The following USP6NL variants were observed in gnomAD, a reference collection of about 807,000 sequenced individuals.
The protein encoded by USP6NL is USP6 N-terminal like.
A neutral mutation model predicts 61.9 loss-of-function variants in USP6NL; 26 were observed. The observed-to-expected ratio is 0.42, with a 90% CI of 0.31 to 0.58. The LOEUF (loss-of-function observed/expected upper bound fraction) is 0.58. Among genes scored for constraint, USP6NL ranks in the 20% least tolerant of loss-of-function variants. The pLI is 0.16. For missense variants in USP6NL, 1,114 were observed against 1,034.3 expected (o/e 1.08, Z -1.06); for synonymous variants, 432 against 390.1 (o/e 1.11, Z -1.27).
Position 11,462,610 on chromosome 10 carries a change from T to C in USP6NL, c.2318A>G (p.Gln773Arg). Residue 773 changes from glutamine to arginine, a missense_variant, in exon 15 of 15, where the codon CAG (glutamine) becomes CGG (arginine). By Grantham distance (43) the Gln-to-Arg change is conservative (BLOSUM62 1). Transcript: ENST00000609104. ...AGAAACTGCAGGGAGGCCATGGTCC[T>C]GAAAGGGTGCGAGTTGAAAGGCTGA... is the stretch of plus-strand genomic sequence containing the variant. Reference protein sequence around the residue: ...KYSAFQLAPFQDHGLPAVSVD... With the variant: ...KYSAFQLAPFRDHGLPAVSVD... 2 of 1,613,988 alleles carry C rather than the reference T, an allele frequency of 1.2e-6. No homozygotes were observed. Among genetic ancestry groups the C allele is most frequent in the Non-Finnish European group, 1.7e-6 (2 of 1,179,892 alleles).
chr10:11,494,689 A>G (rs140921126), intron 7 of USP6NL, among the ~76,000 whole-genome samples: 1 of 151,848 alleles, frequency 6.6e-6, no homozygotes. Flanking sequence ...GTCACGTGTC[A>G]ACTGGACAGG....
chr10:11,515,299 G>C (rs976514706), intron 5 of USP6NL, among the ~76,000 whole-genome samples: 7 of 152,212 alleles, frequency 4.6e-5, no homozygotes, highest in Non-Finnish European at 1.0e-4. Flanking sequence ...ACAATGCATG[G>C]ATGGATATTA....
intron 3 of USP6NL, 108 bp downstream of exon 3, chr10:11,527,392 G>C: frequency 1.0e-6 from 1 of 962,086 alleles, no homozygotes; most frequent in Non-Finnish European, 1.6e-6. Flanking sequence ...TCCCCATGAA[G>C]TTAAACAAAC....
rs1438451925 is a variant in USP6NL, at chr10:11,476,302, TGGG to T, written c.1078+5465_1078+5467del. The stretch of plus-strand genomic sequence containing the variant: ...GTGTAGCAATGGCATTGTGGTTGGC[TGGG>T]GGAAGGTCCTTGTTTCTTGGCTACA... On this transcript the variant is annotated intron_variant, in intron 14 of 14. Transcript: ENST00000609104. This position sits in a 1 kb window ranked among gnomAD's most constrained non-coding sequence, Gnocchi z 4.3. 6.6e-6 allele frequency among the ~76,000 whole-genome samples: 1 copy of T among 152,168 alleles called. No homozygotes were observed. Among genetic ancestry groups the T allele is most frequent in the Non-Finnish European group, 1.5e-5 (1 of 68,020 alleles).
chr10:11,485,977 A>T lies in USP6NL; in HGVS notation c.665-66T>A. ...CAACAAAACCCTCCAATCTTAAAAC[A>T]CAACATATTTCATTTGTAACTGTCA... is the stretch of plus-strand genomic sequence containing the variant. On this transcript the variant is annotated intron_variant, in intron 10 of 14. Coordinates refer to ENST00000609104, the MANE Select transcript of USP6NL (RefSeq NM_014688.5). This position sits in a 1 kb window ranked among gnomAD's most constrained non-coding sequence, Gnocchi z 4.8. 1 of 1,082,310 alleles carries T rather than the reference A, an allele frequency of 9.2e-7. No homozygotes were observed. Among genetic ancestry groups the T allele is most frequent in the Non-Finnish European group, 1.3e-6 (1 of 766,218 alleles). The allele number at this position is 1,082,310 out of a possible 1,614,324, so 67.0% of individuals were successfully genotyped here. A position where few individuals can be genotyped will look rare whatever the true frequency, so the allele number is the denominator to read the frequency against.
intron 2 of USP6NL, among the ~76,000 whole-genome samples, chr10:11,577,214 G>A (rs934383064): frequency 1.3e-5 from 2 of 151,142 alleles, no homozygotes; most frequent in Admixed American, 1.3e-4. Flanking sequence ...CCTGCCACCA[G>A]GCCAGATGCC....
chr10:11,593,186 T>C (rs535075303), intron 2 of USP6NL, among the ~76,000 whole-genome samples: 1 of 152,228 alleles, frequency 6.6e-6, no homozygotes, highest in Non-Finnish European at 1.5e-5. Flanking sequence ...AAAACTTTCC[T>C]GAAGAAACTG....
At chr10:11,497,283 C>T (rs1833973664) in intron 7 of USP6NL, among the ~76,000 whole-genome samples, 1 of 151,058 alleles carries the variant, frequency 6.6e-6, no homozygotes, top group Admixed American at 6.6e-5. Flanking sequence ...TGGTGGCGGG[C>T]ACCTGTAGTC....
intron 2 of USP6NL, chr10:11,563,526 T>C (rs933422135): frequency 1.6e-4 from 24 of 152,286 alleles, no homozygotes; most frequent in Admixed American, 5.2e-4. Context: ...GTTTGATATT[T>C]AACTAAAGTT....
Position 11,485,272 on chromosome 10 carries a change from C to T in USP6NL, c.760-38G>A, listed in dbSNP as rs1206340716. ...AGAGCTCACAATTTATGGATTGTAG[C>T]AAACTAAATTTAACAAAATAATACT... On this transcript the variant is annotated intron_variant, in intron 11 of 14. Transcript: ENST00000609104. This position sits in a 1 kb window ranked among gnomAD's most constrained non-coding sequence, Gnocchi z 4.8. 1 of 1,474,684 alleles carries T rather than the reference C, an allele frequency of 6.8e-7. No homozygotes were observed. Among genetic ancestry groups the T allele is most frequent in the Non-Finnish European group, 9.0e-7 (1 of 1,107,166 alleles). The allele number at this position is 1,474,684 out of a possible 1,614,324, so 91.3% of individuals were successfully genotyped here.
chr10:11,598,962 C>T lies in USP6NL; in HGVS notation c.-83-1245G>A, dbSNP rs1838419688. ...CCTGACCCCCAACCCACATGCTTTC[C>T]TCTTTATCTGTCCACTTAAATGATT... On this transcript the variant is annotated intron_variant, in intron 1 of 14. Transcript: ENST00000609104. This position sits in a 1 kb window ranked among gnomAD's most constrained non-coding sequence, Gnocchi z 4.7. Among the ~76,000 whole-genome samples, 2 of 152,224 alleles carry T rather than the reference C, an allele frequency of 1.3e-5. No homozygotes were observed. Among genetic ancestry groups the T allele is most frequent in the Admixed American group, 6.5e-5 (1 of 15,284 alleles).
rs1385124038 is a variant in USP6NL at position 11,472,027 on chromosome 10, T to C, written c.1079-8178A>G. On this transcript the variant is annotated intron_variant, in intron 14 of 14. Transcript: ENST00000609104. Reference sequence around the variant, plus strand: ...AAGGGTAAGGAGGCACCACAACTCCTCACAGATACAGTAGGGGATGCTTTT... The same window carrying C: ...AAGGGTAAGGAGGCACCACAACTCCCCACAGATACAGTAGGGGATGCTTTT... Among the ~76,000 whole-genome samples the C allele has an allele frequency of 2.6e-5, 4 of 151,832 alleles. No individual in the cohort carries two copies. In the East Asian group the frequency reaches 7.7e-4, roughly 29 times the overall value.
rs999483767 is a variant in USP6NL, at chr10:11,490,019, G to A, written c.544-797C>T. Reference sequence around the variant, plus strand: ...TGAGATACTGAGTGGCCCCCAGAATGGGAGAGATGGAAGGTGCAGCTTTCC... The same window carrying A: ...TGAGATACTGAGTGGCCCCCAGAATAGGAGAGATGGAAGGTGCAGCTTTCC... On this transcript the variant is annotated intron_variant, in intron 9 of 14. Coordinates refer to ENST00000609104, the MANE Select transcript of USP6NL (RefSeq NM_014688.5). The surrounding 1 kb of genome is among the most constrained non-coding windows in gnomAD (Gnocchi z 4.5). 5.9e-5 allele frequency among the ~76,000 whole-genome samples: 9 copies of A among 152,186 alleles called. No homozygotes were observed. The highest frequency in any genetic ancestry group is 5.2e-4 in the Admixed American group (8 of 15,280).
intron 14 of USP6NL, among the ~76,000 whole-genome samples, chr10:11,466,478 T>C (rs562156587): frequency 8.5e-5 from 13 of 152,338 alleles, no homozygotes; most frequent in Admixed American, 7.2e-4. Flanking sequence ...CTGTGTGAAC[T>C]TGGGAGTCTC....
intron 2 of USP6NL, among the ~76,000 whole-genome samples, chr10:11,579,960 T>TCGGG: frequency 1.0e-5 from 1 of 98,086 alleles, no homozygotes; most frequent in Non-Finnish European, 2.1e-5. Context: ...CAGTGGAGAG[T>TCGGG]GGCGGGGGGG....
chr10:11,601,865 C>G (rs890925238), intron 1 of USP6NL, among the ~76,000 whole-genome samples: 4 of 152,206 alleles, frequency 2.6e-5, no homozygotes, highest in African/African-American at 9.7e-5. Context: ...TCTCAGCTGT[C>G]TGACCACTAA....
chr10:11,518,148 T>C lies in USP6NL; in HGVS notation c.195+387A>G, dbSNP rs1176756918. On this transcript the variant is annotated intron_variant, in intron 5 of 14. Transcript: ENST00000609104. The surrounding 1 kb of genome is among the most constrained non-coding windows in gnomAD (Gnocchi z 5.3). ...TCACATTTCAAAGAACTGCTGGTCT[T>C]AGAATGGTGCTTTATTTGCCACAGG... is the stretch of plus-strand genomic sequence containing the variant. Among the ~76,000 whole-genome samples, 1 of 152,194 alleles carries C rather than the reference T, an allele frequency of 6.6e-6. No individual in the cohort carries two copies. The highest frequency in any genetic ancestry group is 6.5e-5 in the Admixed American group (1 of 15,282).
At chr10:11,530,031 G>A (rs562847084) in intron 2 of USP6NL, among the ~76,000 whole-genome samples, 8 of 149,892 alleles carry the variant, frequency 5.3e-5, no homozygotes, top group South Asian at 4.2e-4. Flanking sequence ...GAGGCCGGGA[G>A]GCAGAGGTTG....
intron 14 of USP6NL, among the ~76,000 whole-genome samples, chr10:11,471,338 G>A (rs961128182): frequency 3.9e-5 from 6 of 152,332 alleles, no homozygotes; most frequent in Non-Finnish European, 8.8e-5. Flanking sequence ...AGGTGCTGGA[G>A]AGGATGTGGA....
Sources: gnomAD v4.1 joint callset for allele counts (sites outside exome capture counted in the v4.1 genomes callset) on GRCh38, gnomAD v4.1.1 for gene constraint, Gnocchi (gnomAD v3.1) non-coding constraint, MANE v1.5 for transcripts, NCBI Gene and HGNC (gene_info 2026-07-23, HGNC 2026-07-21) for gene names.